ETV6: variants seen among roughly 807,000 people sequenced by gnomAD.
ETV6 encodes the protein transcription factor ETV6.
ETV6 carries 16 observed loss-of-function variants against 51.1 expected under a neutral mutation model. The ratio of observed to expected loss-of-function variants is 0.31; its 90% CI spans 0.21 to 0.48. ETV6 has a LOEUF of 0.48. ETV6 is among the 20% of genes least tolerant of loss of function. The pLI is 0.99. For missense variants in ETV6, 458 were observed against 594.8 expected (o/e 0.77, Z 2.39); for synonymous variants, 240 against 224.1 (o/e 1.07, Z -0.64).
chr12:11,777,226 T>G (rs1591666292), intron 2 of ETV6, among the ~76,000 whole-genome samples: 1 of 111,006 alleles, frequency 9.0e-6, no homozygotes, highest in Non-Finnish European at 1.7e-5. Flanking sequence ...GGTGACAGAG[T>G]GAGACTCCGT....
chr12:11,682,984 C>A lies in ETV6; in HGVS notation c.33+32824C>A, dbSNP rs188783170. ...CTTATACAGCATATTTTTGTTTGCACTTTCATTGTGAATGCTAATTGTTTT... is the reference window on the plus strand; with the variant it reads ...CTTATACAGCATATTTTTGTTTGCAATTTCATTGTGAATGCTAATTGTTTT... On this transcript the variant is annotated intron_variant, in intron 1 of 7. Transcript: ENST00000396373. Among the ~76,000 whole-genome samples, 588 of 152,320 alleles carry A rather than the reference C, an allele frequency of 3.9e-3. 3 individuals are homozygous for A. The highest frequency in any genetic ancestry group is 5.0e-3 in the Non-Finnish European group (337 of 68,018).
intron 2 of ETV6, among the ~76,000 whole-genome samples, chr12:11,764,826 G>C (rs1945141177): frequency 6.6e-6 from 1 of 152,146 alleles, no homozygotes; most frequent in African/African-American, 2.4e-5. Flanking sequence ...CTTTTCACAT[G>C]TATTGTATCA....
chr12:11,778,524 A>G (rs1202430324), intron 2 of ETV6, among the ~76,000 whole-genome samples: 1 of 152,214 alleles, frequency 6.6e-6, no homozygotes, highest in African/African-American at 2.4e-5. Flanking sequence ...TGTTGAATCA[A>G]ACCAGAAGAA....
chr12:11,890,893 G>A (rs375681295), intron 7 of ETV6, 48 bp from the exon 8 acceptor site: 2 of 1,440,294 alleles, frequency 1.4e-6, no homozygotes, highest in African/African-American at 2.8e-5. Flanking sequence ...AGTGAAGACA[G>A]CTTTAGGAAA....
intron 2 of ETV6, among the ~76,000 whole-genome samples, chr12:11,794,786 T>A (rs1283451872): frequency 1.3e-5 from 2 of 152,230 alleles, no homozygotes; most frequent in African/African-American, 4.8e-5. Context: ...ATAAAGTCTC[T>A]AGTTATCATT....
Position 11,891,029 on chromosome 12 carries a change from CAAG to C in ETV6, c.1347_1349del (p.Glu449del). 6.2e-7 allele frequency: 1 copy of C among 1,613,218 alleles called. No homozygotes were observed. The highest frequency in any genetic ancestry group is 8.5e-7 in the Non-Finnish European group (1 of 1,179,316). ...CCAGGAGCTGGATGAACAAATATAC[CAAG>C]AAGATGAATGCTGAAGGAACCAACA... On this transcript the variant is annotated inframe_deletion, in exon 8 of 8. Coordinates refer to ENST00000396373, the MANE Select transcript of ETV6 (RefSeq NM_001987.5).
At chr12:11,709,818 C>T (rs1591624047) in intron 1 of ETV6, among the ~76,000 whole-genome samples, 4 of 152,214 alleles carry the variant, frequency 2.6e-5, no homozygotes, top group East Asian at 3.8e-4. Flanking sequence ...ACTGCACCAC[C>T]GGCTCTTCTC....
intron 1 of ETV6, among the ~76,000 whole-genome samples, chr12:11,752,134 A>G (rs770665697): frequency 1.3e-5 from 2 of 152,126 alleles, no homozygotes; most frequent in Admixed American, 1.3e-4. Flanking sequence ...ATTCTCGCGG[A>G]CGTATTTTTT....
intron 2 of ETV6, among the ~76,000 whole-genome samples, chr12:11,803,078 T>A (rs1945774952): frequency 1.3e-5 from 2 of 152,220 alleles, no homozygotes; most frequent in Non-Finnish European, 2.9e-5. Flanking sequence ...GGGGTTATTT[T>A]AGCCTTACTT....
chr12:11,725,567 G>C (rs1416781219), intron 1 of ETV6, among the ~76,000 whole-genome samples: 1 of 152,196 alleles, frequency 6.6e-6, no homozygotes, highest in Non-Finnish European at 1.5e-5. Flanking sequence ...TATTACTTCA[G>C]ATGTTGCTGC....
chr12:11,708,845 C>G (rs1865119407), intron 1 of ETV6, among the ~76,000 whole-genome samples: 1 of 152,198 alleles, frequency 6.6e-6, no homozygotes, highest in East Asian at 1.9e-4. Context: ...GACACTCACT[C>G]AGACCCTGTG....
intron 3 of ETV6, among the ~76,000 whole-genome samples, chr12:11,841,788 A>G (rs920947510): frequency 2.0e-5 from 3 of 152,226 alleles, no homozygotes; most frequent in African/African-American, 7.2e-5. Context: ...AAGCATGTTA[A>G]GAAGGAGATG....
chr12:11,770,087 A>G (rs1024187854), intron 2 of ETV6, among the ~76,000 whole-genome samples: 2 of 152,156 alleles, frequency 1.3e-5, no homozygotes, highest in African/African-American at 4.8e-5. Flanking sequence ...GCTCATAAGT[A>G]AGTTTGAGTT....
intron 1 of ETV6, among the ~76,000 whole-genome samples, chr12:11,739,008 G>C (rs966448732): frequency 3.3e-5 from 5 of 152,262 alleles, no homozygotes; most frequent in Middle Eastern, 3.4e-3. Context: ...CTGAAACTTT[G>C]CAAAGTGGCG....
chr12:11,688,754 A>C (rs1864687178), intron 1 of ETV6, among the ~76,000 whole-genome samples: 1 of 152,210 alleles, frequency 6.6e-6, no homozygotes, highest in South Asian at 2.1e-4. Context: ...CCATAGCCTT[A>C]GCTGCTCCTT....
rs997489335 is a variant in ETV6, at chr12:11,721,421, G to A, written c.34-31029G>A. ...GAAATCATGTCCTTTATAGCAACAT[G>A]GGTAACCATGTTGGAAGAGCTGGAA... On this transcript the variant is annotated intron_variant, in intron 1 of 7. Transcript: ENST00000396373. Among the ~76,000 whole-genome samples the A allele has an allele frequency of 3.3e-5, 5 of 152,180 alleles. No homozygotes were observed. The East Asian group carries it at 9.6e-4, about 29-fold the overall frequency.
intron 1 of ETV6, among the ~76,000 whole-genome samples, chr12:11,713,885 T>G (rs1480628413): frequency 6.6e-6 from 1 of 152,212 alleles, no homozygotes; most frequent in African/African-American, 2.4e-5. Context: ...ATTAGTATTT[T>G]GTAAAACTCC....
chr12:11,807,287 C>G (rs1565533632), intron 2 of ETV6, among the ~76,000 whole-genome samples: 1 of 152,216 alleles, frequency 6.6e-6, no homozygotes. Context: ...TAAATGCACA[C>G]TAAATAGTGG....
At chr12:11,754,514 A>G (rs1331645693) in intron 2 of ETV6, among the ~76,000 whole-genome samples, 2 of 152,234 alleles carry the variant, frequency 1.3e-5, no homozygotes, top group East Asian at 3.8e-4. Flanking sequence ...AACACACTGA[A>G]CTGGAGGTCA....
Sources: gnomAD v4.1 joint callset for allele counts (sites outside exome capture counted in the v4.1 genomes callset) on GRCh38, gnomAD v4.1.1 for gene constraint, MANE v1.5 for transcripts, NCBI Gene and HGNC (gene_info 2026-07-23, HGNC 2026-07-21) for gene names.